ZFHX4: variants seen among roughly 807,000 people sequenced by gnomAD.
The protein encoded by ZFHX4 is zinc finger homeobox protein 4.
Under a neutral mutation model 267.6 loss-of-function variants are expected in ZFHX4, and 56 were observed. The observed-to-expected ratio is 0.21, with a 90% CI of 0.17 to 0.26. The LOEUF is 0.26. Ranked by LOEUF, ZFHX4 falls within the 10% of genes least tolerant of loss-of-function variation. The pLI, the probability that ZFHX4 is intolerant of heterozygous loss-of-function variation, is 1.00. For missense variants in ZFHX4, 4,332 were observed against 4,420.0 expected (o/e 0.98, Z 0.56); for synonymous variants, 1,778 against 1,665.6 (o/e 1.07, Z -1.64).
chr8:76,729,472 T>C (rs1808940713), intron 3 of ZFHX4, among the ~76,000 whole-genome samples: 1 of 152,172 alleles, frequency 6.6e-6, no homozygotes, highest in African/African-American at 2.4e-5. Context: ...TTACTTACTT[T>C]TTGTACAAAA....
intron 4 of ZFHX4, among the ~76,000 whole-genome samples, chr8:76,800,480 T>G (rs565822395): frequency 4.7e-4 from 72 of 152,290 alleles, no homozygotes; most frequent in Non-Finnish European, 8.2e-4. Flanking sequence ...AGAGTTAGCT[T>G]TTGACATGTT....
At position 76,781,584 on chromosome 8, in the gene ZFHX4, TGGG is replaced by T. The variant is rs1810549513; in HGVS notation, c.3325+3146_3325+3148del. The stretch of plus-strand genomic sequence containing the variant: ...TTGTTGGCATTGTGGATGCATAATT[TGGG>T]TGGAAGATTTTTTGACCTATTAACT... On this transcript the variant is annotated intron_variant, in intron 4 of 10. Transcript: ENST00000651372. Among the ~76,000 whole-genome samples the T allele has an allele frequency of 2.0e-5, 3 of 152,202 alleles. No homozygotes were observed. In the East Asian group the frequency reaches 5.8e-4, roughly 29 times the overall value.
chr8:76,795,610 G>A (rs1395138413), intron 4 of ZFHX4, among the ~76,000 whole-genome samples: 6 of 143,838 alleles, frequency 4.2e-5, no homozygotes, highest in East Asian at 2.1e-4. Context: ...GCAATGGCAC[G>A]ATCTCAGCTC....
intron 3 of ZFHX4, among the ~76,000 whole-genome samples, chr8:76,770,062 C>A (rs1810221244): frequency 6.6e-6 from 1 of 152,134 alleles, no homozygotes; most frequent in Non-Finnish European, 1.5e-5. Flanking sequence ...TTCCACCAGG[C>A]AAATGGGAAT....
At chr8:76,824,505 C>T (rs1811735451) in intron 4 of ZFHX4, among the ~76,000 whole-genome samples, 1 of 152,164 alleles carries the variant, frequency 6.6e-6, no homozygotes, top group African/African-American at 2.4e-5. Context: ...AAAAACCTAC[C>T]TAGGGCTGAC....
At chr8:76,741,432 A>C (rs1394922271) in intron 3 of ZFHX4, among the ~76,000 whole-genome samples, 1 of 152,202 alleles carries the variant, frequency 6.6e-6, no homozygotes, top group Non-Finnish European at 1.5e-5. Context: ...CTCGGGCAAG[A>C]GGTGTGAAGA....
intron 4 of ZFHX4, among the ~76,000 whole-genome samples, chr8:76,814,950 G>A (rs1811466974): frequency 6.6e-6 from 1 of 152,118 alleles, no homozygotes; most frequent in African/African-American, 2.4e-5. Flanking sequence ...CAGTGATTTA[G>A]AATAGCCTGT....
intron 3 of ZFHX4, among the ~76,000 whole-genome samples, chr8:76,709,138 C>T (rs1344976962): frequency 2.0e-5 from 3 of 152,102 alleles, no homozygotes; most frequent in South Asian, 4.1e-4. Flanking sequence ...CAGGTTGAGG[C>T]CGTTTAGATT....
intron 1 of ZFHX4, among the ~76,000 whole-genome samples, chr8:76,697,165 T>C (rs1258026618): frequency 2.6e-5 from 4 of 152,022 alleles, no homozygotes. Flanking sequence ...CAATTGTTTT[T>C]TCTTTGAAAT....
chr8:76,818,428 G>T (rs955000256), intron 4 of ZFHX4, among the ~76,000 whole-genome samples: 1 of 152,134 alleles, frequency 6.6e-6, no homozygotes. Flanking sequence ...ATGCCTTGAA[G>T]ACCAAGCAAA....
chr8:76,805,043 T>C (rs901247652), intron 4 of ZFHX4, among the ~76,000 whole-genome samples: 1 of 152,106 alleles, frequency 6.6e-6, no homozygotes, highest in Non-Finnish European at 1.5e-5. Flanking sequence ...ACCTCTTCAA[T>C]ATTAAAAAGA....
intron 3 of ZFHX4, among the ~76,000 whole-genome samples, chr8:76,740,626 G>T (rs556514310): frequency 6.6e-6 from 1 of 152,120 alleles, no homozygotes; most frequent in African/African-American, 2.4e-5. Flanking sequence ...GTATTTAAAA[G>T]ATTTTTCTGA....
intron 10 of ZFHX4, among the ~76,000 whole-genome samples, chr8:76,857,357 TATATA>T (rs2131967466): frequency 4.3e-5 from 1 of 23,042 alleles, no homozygotes; most frequent in Admixed American, 4.3e-4. Flanking sequence ...ACTAATTTTA[TATATA>T]TATATATATA....
intron 5 of ZFHX4, among the ~76,000 whole-genome samples, chr8:76,837,133 C>T (rs1254280937): frequency 2.0e-5 from 3 of 151,952 alleles, no homozygotes; most frequent in Admixed American, 6.6e-5. Flanking sequence ...TGGATGAGAT[C>T]GTCTAGGGAG....
At chr8:76,759,215 A>T (rs1010366837) in intron 3 of ZFHX4, among the ~76,000 whole-genome samples, 1 of 152,170 alleles carries the variant, frequency 6.6e-6, no homozygotes, top group Non-Finnish European at 1.5e-5. Context: ...CAGCCAAATT[A>T]TATATTAGAA....
At chr8:76,763,787 A>G (rs1809980999) in intron 3 of ZFHX4, among the ~76,000 whole-genome samples, 1 of 152,194 alleles carries the variant, frequency 6.6e-6, no homozygotes, top group African/African-American at 2.4e-5. Context: ...TAACTAGAAA[A>G]ACATATAAGC....
chr8:76,711,009 CA>C (rs1808408261), intron 3 of ZFHX4, among the ~76,000 whole-genome samples: 2 of 151,916 alleles, frequency 1.3e-5, no homozygotes, highest in Non-Finnish European at 1.5e-5. Flanking sequence ...TTTATTTAAC[CA>C]GAACAACACC....
At chr8:76,682,944 C>A (rs1807581927) in intron 1 of ZFHX4, 2 of 152,468 alleles carry the variant, frequency 1.3e-5, no homozygotes, top group South Asian at 4.1e-4. Context: ...TAAAATCTCT[C>A]ATGGAATTGT....
At chr8:76,778,522 C>A in intron 4 of ZFHX4, 83 bp downstream of exon 4, 1 of 1,156,052 alleles carries the variant, frequency 8.7e-7, no homozygotes, top group Non-Finnish European at 1.3e-6. Flanking sequence ...CACACACACA[C>A]ACGCCTCAAA....
Sources: allele counts gnomAD v4.1 joint callset (sites outside exome capture counted in the v4.1 genomes callset), GRCh38; gene constraint gnomAD v4.1.1; transcripts MANE v1.5; gene names NCBI Gene and HGNC (gene_info 2026-07-23, HGNC 2026-07-21).